The following ANKRD17 variants were observed in gnomAD, a reference collection of about 807,000 sequenced individuals.
ANKRD17 encodes the protein ankyrin repeat domain 17.
In ANKRD17, 19 loss-of-function variants were observed where a neutral mutation model predicts 229.7. The observed-to-expected ratio is 0.08, with a 90% CI of 0.06 to 0.12. The LOEUF (loss-of-function observed/expected upper bound fraction) is 0.12. ANKRD17 is among the 10% of genes least tolerant of loss of function. ANKRD17 has a pLI of 1.00. For missense variants in ANKRD17, 2,176 were observed against 3,176.8 expected, an observed-to-expected ratio of 0.68 and a Z score of 7.57; for synonymous variants, 1,112 against 1,146.1, an observed-to-expected ratio of 0.97 and a Z score of 0.60.
At chr4:73,193,217 T>A (rs769988690) in intron 1 of ANKRD17, among the ~76,000 whole-genome samples, 8 of 152,216 alleles carry the variant, frequency 5.3e-5, no homozygotes, top group Non-Finnish European at 1.0e-4. Flanking sequence ...CTTGTGAGAT[T>A]CATAAATGTT....
intron 16 of ANKRD17, among the ~76,000 whole-genome samples, chr4:73,128,977 T>C (rs757605734): frequency 2.0e-4 from 30 of 152,200 alleles, no homozygotes; most frequent in Non-Finnish European, 3.7e-4. Context: ...TACAGCTGAC[T>C]ATTTTGTAGA....
Position 73,146,706 on chromosome 4 carries a change from A to T in ANKRD17, c.1869+58T>A, listed in dbSNP as rs1015826421. Reference sequence around the variant, plus strand: ...AATACCTTTTGTCTAGACTCTCCATAATTTAAAATTAATTTCTTATTGTTA... The same window carrying T: ...AATACCTTTTGTCTAGACTCTCCATTATTTAAAATTAATTTCTTATTGTTA... On this transcript the variant is annotated intron_variant, in intron 10 of 33. Coordinates refer to ENST00000358602, the MANE Select transcript of ANKRD17 (RefSeq NM_032217.5). 10 of 1,251,048 alleles carry T rather than the reference A, an allele frequency of 8.0e-6. No individual in the cohort carries two copies. In the African/African-American group the frequency reaches 1.4e-4, roughly 17 times the overall value. 77.5% of individuals were successfully genotyped at this position (1,251,048 alleles called of 1,614,324 possible).
intron 25 of ANKRD17, 26 bp downstream of exon 25, chr4:73,102,350 A>T: frequency 6.4e-7 from 1 of 1,567,294 alleles, no homozygotes; most frequent in Non-Finnish European, 8.6e-7. Flanking sequence ...TATAAAACAA[A>T]TGGGATGGTT....
At chr4:73,144,862 A>G (rs1052744252) in intron 10 of ANKRD17, 30 bp from the exon 11 acceptor site, 2 of 1,440,020 alleles carry the variant, frequency 1.4e-6, no homozygotes, top group Non-Finnish European at 1.9e-6. Context: ...AAGACTTGAC[A>G]TTTAATTGCC....
At chr4:73,240,467 A>G (rs1743915918) in intron 1 of ANKRD17, among the ~76,000 whole-genome samples, 1 of 151,774 alleles carries the variant, frequency 6.6e-6, no homozygotes, top group Non-Finnish European at 1.5e-5. Context: ...ACAAAAAAAA[A>G]AAAAAAAATT....
chr4:73,092,273 T>C lies in ANKRD17; in HGVS notation c.5355A>G (p.Ala1785=). 6.2e-7 allele frequency: 1 copy of C among 1,613,632 alleles called. No individual in the cohort carries two copies. The highest frequency in any genetic ancestry group is 1.7e-5 in the Admixed American group (1 of 59,946). The part of the protein sequence containing the change: ...IRGGTESTRQ[A]TQLINALIKD... Reference sequence around the variant, plus strand: ...TGATCAAAGCATTAATCAATTGAGTTGCTTGTCTTGTTGATTCAGTGCCAC... The same window carrying C: ...TGATCAAAGCATTAATCAATTGAGTCGCTTGTCTTGTTGATTCAGTGCCAC... Residue 1785 remains alanine (A), a synonymous_variant, in exon 29 of 34, where the codon GCA becomes GCG. Transcript: ENST00000358602.
Position 73,090,830 on chromosome 4 carries a change from A to G in ANKRD17, c.6798T>C (p.His2266=). 1 of 1,614,266 alleles carries G rather than the reference A, an allele frequency of 6.2e-7. No homozygotes were observed. The highest frequency in any genetic ancestry group is 2.2e-5 in the East Asian group (1 of 44,884). Reference sequence around the variant, plus strand: ...AAACAACAGATCCTCCCCAGAAGGCATGAGCAGAAGTAGGGCTGTTTTCAA... The same window carrying G: ...AAACAACAGATCCTCCCCAGAAGGCGTGAGCAGAAGTAGGGCTGTTTTCAA... ...TLFENSPTSA[H]AFWGGSVVSS... The change falls in exon 29 of 34, where the codon CAT becomes CAC. Residue 2266 remains histidine (H), a synonymous_variant. Coordinates refer to ENST00000358602, the MANE Select transcript of ANKRD17 (RefSeq NM_032217.5).
At chr4:73,103,825 C>T (rs1724284356) in intron 24 of ANKRD17, among the ~76,000 whole-genome samples, 1 of 124,660 alleles carries the variant, frequency 8.0e-6, no homozygotes, top group Non-Finnish European at 1.7e-5. Flanking sequence ...TTAACCCTCT[C>T]CGGTTTTTTT....
chr4:73,200,223 G>C (rs1262906672), intron 1 of ANKRD17, among the ~76,000 whole-genome samples: 1 of 152,086 alleles, frequency 6.6e-6, no homozygotes, highest in Non-Finnish European at 1.5e-5. Context: ...CTCTCTTGGA[G>C]AGTTTTCAGG....
intron 1 of ANKRD17, among the ~76,000 whole-genome samples, chr4:73,225,880 A>G (rs1212205012): frequency 1.3e-5 from 2 of 149,260 alleles, no homozygotes; most frequent in African/African-American, 5.0e-5. Flanking sequence ...AAAAAAAAAA[A>G]AAAAAGAAAG....
intron 2 of ANKRD17, among the ~76,000 whole-genome samples, chr4:73,174,599 A>C (rs1158592133): frequency 6.6e-6 from 1 of 152,204 alleles, no homozygotes; most frequent in Non-Finnish European, 1.5e-5. Flanking sequence ...CAGACAAGAG[A>C]AACAGACAAC....
intron 14 of ANKRD17, 131 bp from the exon 15 acceptor site, chr4:73,140,414 T>G (rs1434716790): frequency 1.2e-6 from 1 of 840,814 alleles, no homozygotes; most frequent in African/African-American, 1.8e-5. Context: ...AATGCACTGT[T>G]AAAAAATTAA....
At chr4:73,112,791 T>A (rs1268292171) in intron 24 of ANKRD17, 13 of 731,300 alleles carry the variant, frequency 1.8e-5, no homozygotes, top group Non-Finnish European at 2.0e-5. Context: ...TTTAAAAAAA[T>A]TTTATTTATT....
In ANKRD17 at chr4:73,219,982, A is replaced by G. The variant is rs562000336; in HGVS notation, c.393+38294T>C. Among the ~76,000 whole-genome samples the G allele has an allele frequency of 2.0e-5, 3 of 152,242 alleles. No individual in the cohort carries two copies. In the East Asian group the frequency reaches 5.8e-4, roughly 29 times the overall value. ...TAATAACACTAAATATACAGTAACC[A>G]AGTTTCTGAAATGATCTCTCAGTTG... On this transcript the variant is annotated intron_variant, in intron 1 of 33. Coordinates refer to ENST00000358602, the MANE Select transcript of ANKRD17 (RefSeq NM_032217.5).
At chr4:73,238,090 TAA>T (rs576562642) in intron 1 of ANKRD17, among the ~76,000 whole-genome samples, 3 of 139,028 alleles carry the variant, frequency 2.2e-5, no homozygotes, top group Admixed American at 7.2e-5. Context: ...TCTCCTAAAT[TAA>T]AAAAAAAAAA....
At chr4:73,250,193 C>A (rs747495939) in intron 1 of ANKRD17, among the ~76,000 whole-genome samples, 13 of 152,120 alleles carry the variant, frequency 8.5e-5, no homozygotes, top group Non-Finnish European at 1.6e-4. Flanking sequence ...TTACCCTTGA[C>A]GCATAAAAAC....
At chr4:73,148,122 T>C (rs1730530026) in intron 8 of ANKRD17, among the ~76,000 whole-genome samples, 1 of 152,220 alleles carries the variant, frequency 6.6e-6, no homozygotes, top group Admixed American at 6.5e-5. Context: ...CTAAGAAGTC[T>C]GCTCCAAAAC....
At chr4:73,153,733 C>A in intron 6 of ANKRD17, 147 bp downstream of exon 6, 1 of 501,942 alleles carries the variant, frequency 2.0e-6, no homozygotes, top group Non-Finnish European at 3.2e-6. Context: ...AGTAAACAAA[C>A]TGCAACACTG....
intron 1 of ANKRD17, among the ~76,000 whole-genome samples, chr4:73,226,739 A>G (rs1742553301): frequency 1.3e-5 from 2 of 151,914 alleles, no homozygotes; most frequent in African/African-American, 4.8e-5. Context: ...TTTGAGGTGG[A>G]GTCTCGCTCT....
Sources: allele counts gnomAD v4.1 joint callset (sites outside exome capture counted in the v4.1 genomes callset), GRCh38; gene constraint gnomAD v4.1.1; transcripts MANE v1.5; gene names NCBI Gene and HGNC (gene_info 2026-07-23, HGNC 2026-07-21).